The following ESRRG variants were observed in gnomAD, a reference collection of about 807,000 sequenced individuals.
The protein encoded by ESRRG is estrogen-related receptor gamma.
In ESRRG, 13 loss-of-function variants were observed where a neutral mutation model predicts 44.0. That is an observed-to-expected ratio of 0.30 (90% CI 0.19 to 0.47). ESRRG has a LOEUF of 0.47. ESRRG is among the 20% of genes least tolerant of loss of function. The probability of loss-of-function intolerance (pLI) is 1.00; values close to 1 mark genes in which losing one functional copy is unlikely to be tolerated. For missense variants in ESRRG, 395 were observed against 580.6 expected (o/e 0.68, Z 3.29); for synonymous variants, 215 against 214.6 (o/e 1.00, Z -0.02).
At chr1:217,114,929 C>A (rs1489948541) in intron 1 of ESRRG, among the ~76,000 whole-genome samples, 1 of 152,122 alleles carries the variant, frequency 6.6e-6, no homozygotes. Flanking sequence ...TCCCAAAGTG[C>A]TGGGATTACA....
intron 2 of ESRRG, among the ~76,000 whole-genome samples, chr1:216,915,416 C>T (rs993855422): frequency 5.3e-5 from 8 of 152,174 alleles, no homozygotes; most frequent in African/African-American, 1.9e-4. Context: ...ACACATTCCT[C>T]TCTCCTTAAG....
At chr1:216,850,991 A>G (rs1390958487) in intron 2 of ESRRG, among the ~76,000 whole-genome samples, 1 of 150,422 alleles carries the variant, frequency 6.6e-6, no homozygotes, top group East Asian at 2.0e-4. Context: ...TAAGCACTAA[A>G]AAAGGTATGG....
chr1:216,934,896 T>C (rs2063890263), intron 2 of ESRRG, among the ~76,000 whole-genome samples: 1 of 152,214 alleles, frequency 6.6e-6, no homozygotes, highest in Admixed American at 6.5e-5. Flanking sequence ...AGAGAACCAC[T>C]ATTTTATACA....
At chr1:216,658,210 T>C (rs1389783701) in intron 2 of ESRRG, among the ~76,000 whole-genome samples, 3 of 152,098 alleles carry the variant, frequency 2.0e-5, no homozygotes, top group Admixed American at 6.6e-5. Flanking sequence ...AAGATTCTAT[T>C]CCTCCACTGT....
At chr1:216,661,958 G>A (rs537039133) in intron 2 of ESRRG, among the ~76,000 whole-genome samples, 1 of 152,268 alleles carries the variant, frequency 6.6e-6, no homozygotes, top group African/African-American at 2.4e-5. Context: ...TTTTCCGTGT[G>A]ACTTTGGAGC....
chr1:216,574,738 A>C (rs1182350555), intron 3 of ESRRG, among the ~76,000 whole-genome samples: 1 of 152,184 alleles, frequency 6.6e-6, no homozygotes, highest in African/African-American at 2.4e-5. Flanking sequence ...GTTAATGAAC[A>C]CTACAATAAG....
intron 1 of ESRRG, among the ~76,000 whole-genome samples, chr1:216,686,695 C>A (rs773850993): frequency 3.9e-5 from 6 of 152,114 alleles, no homozygotes; most frequent in African/African-American, 7.2e-5. Context: ...TCCCAGGGAG[C>A]CCTGACTTCT....
intron 6 of ESRRG, among the ~76,000 whole-genome samples, chr1:216,516,513 G>A (rs1004670617): frequency 1.3e-5 from 2 of 151,926 alleles, no homozygotes; most frequent in Non-Finnish European, 1.5e-5. Context: ...TGAGTCAATG[G>A]TTTTTAATAC....
chr1:216,935,901 C>T (rs1366168678), intron 2 of ESRRG, among the ~76,000 whole-genome samples: 3 of 152,134 alleles, frequency 2.0e-5, no homozygotes, highest in Non-Finnish European at 2.9e-5. Context: ...AGGTGTGAGC[C>T]ATCGTGTCTG....
chr1:216,537,727 G>A (rs987147418), intron 5 of ESRRG, among the ~76,000 whole-genome samples: 1 of 152,070 alleles, frequency 6.6e-6, no homozygotes, highest in Non-Finnish European at 1.5e-5. Context: ...GCAGTCAAAA[G>A]CATTCTCACT....
chr1:216,899,587 A>G (rs1225251772), intron 2 of ESRRG, among the ~76,000 whole-genome samples: 1 of 152,216 alleles, frequency 6.6e-6, no homozygotes, highest in African/African-American at 2.4e-5. Context: ...TCTGACTTCA[A>G]CATGTGAACA....
intron 2 of ESRRG, among the ~76,000 whole-genome samples, chr1:216,785,297 A>C (rs562362372): frequency 6.8e-4 from 103 of 152,236 alleles, no homozygotes; most frequent in Middle Eastern, 3.4e-3. Context: ...TGGCATTAAA[A>C]GTTACTATTG....
At chr1:216,965,401 G>T (rs529890321) in intron 1 of ESRRG, among the ~76,000 whole-genome samples, 1 of 152,096 alleles carries the variant, frequency 6.6e-6, no homozygotes, top group Non-Finnish European at 1.5e-5. Context: ...CTTATTGAAG[G>T]CATTCTAGTT....
chr1:216,797,680 G>GT (rs568784559), intron 2 of ESRRG, among the ~76,000 whole-genome samples: 10 of 152,098 alleles, frequency 6.6e-5, no homozygotes, highest in Non-Finnish European at 1.5e-4. Flanking sequence ...GGGGTTGTGG[G>GT]TTTTTTGGGG....
intron 5 of ESRRG, among the ~76,000 whole-genome samples, chr1:216,522,984 C>A (rs1185002212): frequency 1.3e-5 from 2 of 152,118 alleles, no homozygotes; most frequent in Non-Finnish European, 2.9e-5. Context: ...AAACCTCTTT[C>A]CCAAGTGAAA....
chr1:216,513,095 C>G (rs1287693281), intron 6 of ESRRG, among the ~76,000 whole-genome samples: 1 of 152,078 alleles, frequency 6.6e-6, no homozygotes, highest in Non-Finnish European at 1.5e-5. Flanking sequence ...AAATATGTGT[C>G]ATTTAAAGCC....
chr1:216,802,914 G>A (rs1396839080), intron 2 of ESRRG, among the ~76,000 whole-genome samples: 1 of 152,146 alleles, frequency 6.6e-6, no homozygotes, highest in Non-Finnish European at 1.5e-5. Context: ...TACATATCTT[G>A]AAGACATTCC....
chr1:216,624,628 T>C (rs1450780771), intron 3 of ESRRG, among the ~76,000 whole-genome samples: 1 of 152,236 alleles, frequency 6.6e-6, no homozygotes, highest in African/African-American at 2.4e-5. Flanking sequence ...GTTTAGGCTA[T>C]TCGTGAGCTA....
At chr1:216,794,128 G>T (rs974406310) in intron 2 of ESRRG, among the ~76,000 whole-genome samples, 2 of 152,066 alleles carry the variant, frequency 1.3e-5, no homozygotes, top group African/African-American at 4.8e-5. Flanking sequence ...GGAAGCCTTG[G>T]CCTTCTGCCT....
Sources: allele counts gnomAD v4.1 joint callset (sites outside exome capture counted in the v4.1 genomes callset), GRCh38; gene constraint gnomAD v4.1.1; transcripts MANE v1.5; gene names NCBI Gene and HGNC (gene_info 2026-07-23, HGNC 2026-07-21).